Variants in KCNU1 observed in about 807,000 individuals in gnomAD.
KCNU1 encodes the protein potassium calcium-activated channel subfamily U member 1.
Under a neutral mutation model 126.8 loss-of-function variants are expected in KCNU1, and 93 were observed. The ratio of observed to expected loss-of-function variants is 0.73; its 90% CI spans 0.62 to 0.87. KCNU1 has a LOEUF of 0.87. KCNU1 is among the 40% of genes least tolerant of loss of function. The pLI, the probability that KCNU1 is intolerant of heterozygous loss-of-function variation, is 0.00. For missense variants in KCNU1, 1,330 were observed against 1,367.1 expected, an observed-to-expected ratio of 0.97 and a Z score of 0.43; for synonymous variants, 523 against 494.2, an observed-to-expected ratio of 1.06 and a Z score of -0.77.
At chr8:36,818,061 A>G (rs1260852484) in intron 10 of KCNU1, among the ~76,000 whole-genome samples, 3 of 152,188 alleles carry the variant, frequency 2.0e-5, no homozygotes, top group African/African-American at 7.2e-5. Context: ...AGCCTGGTGC[A>G]CTTTATAATT....
intron 6 of KCNU1, among the ~76,000 whole-genome samples, chr8:36,807,815 A>G (rs1803563421): frequency 6.6e-6 from 1 of 150,740 alleles, no homozygotes; most frequent in Non-Finnish European, 1.5e-5. Flanking sequence ...TGGCTAGGTA[A>G]AAAAAAAAGA....
At position 36,885,587 on chromosome 8, in the gene KCNU1, G is replaced by A. The variant is rs138336979; in HGVS notation, c.2010-20121G>A. On this transcript the variant is annotated intron_variant, in intron 19 of 26. Coordinates refer to ENST00000399881, the MANE Select transcript of KCNU1 (RefSeq NM_001031836.3). Reference sequence around the variant, plus strand: ...AAAATAAAAAAAACTGAAGTCAGGAGTTCGAGACCAGCCTGGCCAACATGG... The same window carrying A: ...AAAATAAAAAAAACTGAAGTCAGGAATTCGAGACCAGCCTGGCCAACATGG... Among the ~76,000 whole-genome samples the A allele has an allele frequency of 3.3e-3, 500 of 152,134 alleles. 11 individuals carry two copies. The East Asian group carries it at 0.052, about 16-fold the overall frequency.
chr8:36,922,102 C>T (rs1808370290), intron 23 of KCNU1, among the ~76,000 whole-genome samples: 1 of 152,168 alleles, frequency 6.6e-6, no homozygotes, highest in Non-Finnish European at 1.5e-5. Flanking sequence ...AAGACTTTAA[C>T]TGGGGTGACC....
At chr8:36,932,777 C>A (rs1808738649) in intron 25 of KCNU1, 143 bp from the exon 26 acceptor site, 4 of 614,196 alleles carry the variant, frequency 6.5e-6, no homozygotes, top group Non-Finnish European at 1.2e-5. Flanking sequence ...TTACCTATCG[C>A]CCTGGCAGTG....
intron 18 of KCNU1, among the ~76,000 whole-genome samples, chr8:36,857,468 A>T (rs1166169882): frequency 6.6e-6 from 1 of 152,220 alleles, no homozygotes; most frequent in Non-Finnish European, 1.5e-5. Context: ...ACACCTGTCC[A>T]GAATGAAGCT....
chr8:36,812,446 C>G (rs1803758772), intron 7 of KCNU1, among the ~76,000 whole-genome samples: 1 of 149,684 alleles, frequency 6.7e-6, no homozygotes, highest in South Asian at 2.1e-4. Context: ...TAAGACATAA[C>G]CAAGGTAATT....
chr8:36,843,729 T>C (rs1449589734), intron 16 of KCNU1, among the ~76,000 whole-genome samples: 1 of 152,226 alleles, frequency 6.6e-6, no homozygotes, highest in East Asian at 1.9e-4. Context: ...GCCTATCTTT[T>C]CTCACTTTTT....
At chr8:36,855,869 C>T (rs977047840) in intron 18 of KCNU1, among the ~76,000 whole-genome samples, 3 of 151,972 alleles carry the variant, frequency 2.0e-5, no homozygotes, top group Non-Finnish European at 4.4e-5. Context: ...CATCTTATTG[C>T]CTTCTAACCT....
In KCNU1 at chr8:36,911,070, C is replaced by T. The variant is rs368687816; in HGVS notation, c.2472C>T (p.Ile824=). The change falls in exon 22 of 27, where the codon ATC becomes ATT. Residue 824 remains isoleucine (I), a synonymous_variant. Coordinates refer to ENST00000399881, the MANE Select transcript of KCNU1 (RefSeq NM_001031836.3). ...AAGCCATCATGGCAACCCTCACCAT[C>T]GGATCCTTGCAAATTGACTCCTCCT... is the stretch of plus-strand genomic sequence containing the variant. ...DTEAIMATLT[I]GSLQIDSSSD... 2.7e-5 allele frequency: 44 copies of T among 1,613,752 alleles called. No individual in the cohort carries two copies. Among genetic ancestry groups the T allele is most frequent in the Admixed American group, 1.7e-4 (10 of 60,008 alleles).
intron 2 of KCNU1, among the ~76,000 whole-genome samples, chr8:36,797,905 G>A (rs1803162584): frequency 6.6e-6 from 1 of 152,168 alleles, no homozygotes; most frequent in Admixed American, 6.5e-5. Flanking sequence ...TCTGTTTTGT[G>A]AGGCGGGGCC....
intron 19 of KCNU1, among the ~76,000 whole-genome samples, chr8:36,894,015 G>A (rs1437470019): frequency 6.6e-6 from 1 of 152,016 alleles, no homozygotes; most frequent in Non-Finnish European, 1.5e-5. Context: ...ATCCAAAAAT[G>A]TTAGAAATAT....
chr8:36,918,581 G>T (rs1405351970), intron 22 of KCNU1, among the ~76,000 whole-genome samples: 1 of 150,498 alleles, frequency 6.6e-6, no homozygotes, highest in African/African-American at 2.5e-5. Context: ...AAAAAGAAAA[G>T]AAGAAAGACC....
chr8:36,853,240 C>T lies in KCNU1; in HGVS notation c.1891+7341C>T, dbSNP rs577680056. Among the ~76,000 whole-genome samples the T allele has an allele frequency of 3.9e-5, 6 of 152,244 alleles. 1 individual carries two copies. In the South Asian group the frequency reaches 1.2e-3, roughly 32 times the overall value. On this transcript the variant is annotated intron_variant, in intron 18 of 26. Coordinates refer to ENST00000399881, the MANE Select transcript of KCNU1 (RefSeq NM_001031836.3). ...TGGCACATGCTTGTAGTCCCGGCTA[C>T]TCGGGAGGCTGAGGCAGGAGAGTCA... is the stretch of plus-strand genomic sequence containing the variant.
intron 14 of KCNU1, 127 bp from the exon 15 acceptor site, chr8:36,840,336 A>T: frequency 1.7e-6 from 1 of 599,282 alleles, no homozygotes; most frequent in African/African-American, 1.9e-5. Context: ...AAGCACTAAG[A>T]TAAATCTCTT....
At chr8:36,901,119 T>G (rs1807401095) in intron 19 of KCNU1, among the ~76,000 whole-genome samples, 1 of 152,092 alleles carries the variant, frequency 6.6e-6, no homozygotes, top group Non-Finnish European at 1.5e-5. Flanking sequence ...TAATAAATAT[T>G]GTGAACAGTG....
intron 22 of KCNU1, among the ~76,000 whole-genome samples, chr8:36,916,903 G>A (rs1808133293): frequency 6.6e-6 from 1 of 152,174 alleles, no homozygotes; most frequent in Admixed American, 6.5e-5. Context: ...GCATTAACAA[G>A]AAGTGGCTCT....
At chr8:36,821,968 C>T (rs182192835) in intron 10 of KCNU1, among the ~76,000 whole-genome samples, 1 of 152,084 alleles carries the variant, frequency 6.6e-6, no homozygotes, top group Non-Finnish European at 1.5e-5. Context: ...TTTCAACTTA[C>T]CACGTTTTCA....
chr8:36,846,229 T>G (rs1805139959), intron 18 of KCNU1, among the ~76,000 whole-genome samples: 1 of 152,222 alleles, frequency 6.6e-6, no homozygotes, highest in Admixed American at 6.5e-5. Flanking sequence ...TTTTCATGAT[T>G]TCACAGTTTT....
intron 18 of KCNU1, among the ~76,000 whole-genome samples, chr8:36,862,737 C>T (rs565272784): frequency 1.4e-3 from 217 of 152,272 alleles, no homozygotes; most frequent in Non-Finnish European, 2.2e-3. Flanking sequence ...TCCCCCAACC[C>T]TCATTTTTTT....
Sources: gnomAD v4.1 joint callset for allele counts (sites outside exome capture counted in the v4.1 genomes callset) on GRCh38, gnomAD v4.1.1 for gene constraint, MANE v1.5 for transcripts, NCBI Gene and HGNC (gene_info 2026-07-23, HGNC 2026-07-21) for gene names.